The following OSBPL8 variants were observed in gnomAD, a reference collection of about 807,000 sequenced individuals.
OSBPL8 encodes oxysterol binding protein like 8.
In OSBPL8, 59 loss-of-function variants were observed where a neutral mutation model predicts 125.5. The ratio of observed to expected loss-of-function variants is 0.47; its 90% CI spans 0.38 to 0.58. The LOEUF is 0.58. Among genes scored for constraint, OSBPL8 ranks in the 20% least tolerant of loss-of-function variants. The pLI, the probability that OSBPL8 is intolerant of heterozygous loss-of-function variation, is 0.00. For synonymous variants in OSBPL8, 330 were observed against 338.9 expected (o/e 0.97, Z 0.29); for missense variants, 758 against 1,047.8 (o/e 0.72, Z 3.82).
chr12:76,496,489 G>A (rs959863208), intron 1 of OSBPL8, among the ~76,000 whole-genome samples: 10 of 151,482 alleles, frequency 6.6e-5, no homozygotes, highest in African/African-American at 2.4e-4. Context: ...TCTCACCCCA[G>A]CCTCCTGAAT....
intron 4 of OSBPL8, among the ~76,000 whole-genome samples, chr12:76,446,593 C>T (rs1872746255): frequency 6.6e-6 from 1 of 152,024 alleles, no homozygotes; most frequent in South Asian, 2.1e-4. Context: ...TCTAAATGAG[C>T]CTCTAAAAGA....
intron 1 of OSBPL8, among the ~76,000 whole-genome samples, chr12:76,494,632 C>A (rs781124231): frequency 1.3e-5 from 2 of 152,028 alleles, no homozygotes; most frequent in Non-Finnish European, 2.9e-5. Context: ...AGAAAAGATA[C>A]AAGATGACCT....
chr12:76,416,858 C>T (rs1038240866), intron 4 of OSBPL8, among the ~76,000 whole-genome samples: 2 of 151,916 alleles, frequency 1.3e-5, no homozygotes, highest in Non-Finnish European at 2.9e-5. Context: ...CTCTATTGTC[C>T]TCTACTATCT....
intron 4 of OSBPL8, among the ~76,000 whole-genome samples, chr12:76,414,452 T>G (rs1482217125): frequency 4.3e-5 from 2 of 46,062 alleles, no homozygotes; most frequent in African/African-American, 1.0e-4. Flanking sequence ...TTTTTCTGGT[T>G]TTTTTTTTTT....
At chr12:76,518,608 C>T (rs4125581) in intron 1 of OSBPL8, among the ~76,000 whole-genome samples, 26,475 of 152,280 alleles carry the variant, frequency 0.17, 2,458 homozygotes, top group Middle Eastern at 0.24. Context: ...GGCTCCACCC[C>T]TGAGGCAGGC....
At chr12:76,441,734 C>T (rs990244078) in intron 4 of OSBPL8, among the ~76,000 whole-genome samples, 5 of 151,318 alleles carry the variant, frequency 3.3e-5, no homozygotes, top group African/African-American at 1.2e-4. Flanking sequence ...AAAATCAAAA[C>T]GATTGAACCC....
intron 1 of OSBPL8, among the ~76,000 whole-genome samples, chr12:76,496,869 G>A (rs1879333131): frequency 6.6e-6 from 1 of 151,612 alleles, no homozygotes; most frequent in Non-Finnish European, 1.5e-5. Context: ...CTTGTGTAGA[G>A]ATGTGGTGTC....
At chr12:76,483,592 GA>G (rs1877784750) in intron 2 of OSBPL8, among the ~76,000 whole-genome samples, 1 of 137,502 alleles carries the variant, frequency 7.3e-6, no homozygotes, top group South Asian at 2.5e-4. Context: ...TTATGTTCAA[GA>G]AGGAAAGCAA....
At chr12:76,369,327 C>T in intron 20 of OSBPL8, 26 bp from the exon 21 acceptor site, 1 of 1,538,646 alleles carries the variant, frequency 6.5e-7, no homozygotes, top group Middle Eastern at 1.8e-4. Flanking sequence ...AAAAAAAAAC[C>T]ATTTGCTCAA....
chr12:76,380,358 T>C (rs947756457), intron 15 of OSBPL8, among the ~76,000 whole-genome samples: 2 of 152,094 alleles, frequency 1.3e-5, no homozygotes, highest in African/African-American at 4.8e-5. Context: ...TTATTAAATT[T>C]ATTTTTAAAT....
At chr12:76,554,523 A>C (rs1951038419) in intron 1 of OSBPL8, among the ~76,000 whole-genome samples, 1 of 152,170 alleles carries the variant, frequency 6.6e-6, no homozygotes, top group Non-Finnish European at 1.5e-5. Context: ...TGGCTCCACC[A>C]CTTATTTAAT....
chr12:76,369,113 C>T, intron 21 of OSBPL8, 101 bp downstream of exon 21: 6 of 1,441,926 alleles, frequency 4.2e-6, no homozygotes, highest in South Asian at 1.5e-5. Flanking sequence ...TTTTGCTCAC[C>T]CAAAATTTTA....
intron 4 of OSBPL8, among the ~76,000 whole-genome samples, chr12:76,417,636 T>G (rs1868862906): frequency 6.6e-6 from 1 of 152,212 alleles, no homozygotes; most frequent in Non-Finnish European, 1.5e-5. Flanking sequence ...AATGTACTAC[T>G]AGTATGTACA....
intron 1 of OSBPL8, among the ~76,000 whole-genome samples, chr12:76,548,346 T>C (rs1242110606): frequency 6.6e-6 from 1 of 152,134 alleles, no homozygotes; most frequent in Non-Finnish European, 1.5e-5. Context: ...AACCAATACG[T>C]CTGAGAAGAT....
At chr12:76,449,905 A>G (rs1211223732) in intron 4 of OSBPL8, among the ~76,000 whole-genome samples, 2 of 152,164 alleles carry the variant, frequency 1.3e-5, no homozygotes, top group Non-Finnish European at 2.9e-5. Context: ...CATAAAGAAA[A>G]TTACTACTAG....
In OSBPL8 at chr12:76,451,811, T is replaced by C. The variant is rs1252578232; in HGVS notation, c.80-823A>G. On this transcript the variant is annotated intron_variant, in intron 3 of 23. Coordinates refer to ENST00000261183, the MANE Select transcript of OSBPL8 (RefSeq NM_020841.5). ...GATCTCCACATTCTTTCATTTTATA[T>C]TCCTGTGCTTTCAGCCTATAAAAAC... Among the ~76,000 whole-genome samples, 3 of 152,150 alleles carry C rather than the reference T, an allele frequency of 2.0e-5. No homozygotes were observed. In the East Asian group the frequency reaches 5.8e-4, roughly 29 times the overall value.
intron 4 of OSBPL8, among the ~76,000 whole-genome samples, chr12:76,440,122 C>G (rs1271353815): frequency 6.6e-6 from 1 of 152,106 alleles, no homozygotes; most frequent in South Asian, 2.1e-4. Context: ...CTTAATCAGA[C>G]AGTTGTTGTC....
rs796127975 is a variant in OSBPL8 at position 76,381,730 on chromosome 12, C to CT, written c.1630+2523dup. ...TTAACTTTTACTTTCCATTTACTTT[C>CT]TTTTTTTTTTTTTCCTTTCTTGAGA... On this transcript the variant is annotated intron_variant, in intron 15 of 23. Transcript: ENST00000261183. 9.6e-3 allele frequency among the ~76,000 whole-genome samples: 1,381 copies of CT among 144,238 alleles called. 23 individuals are homozygous for CT. Among genetic ancestry groups the CT allele is most frequent in the African/African-American group, 0.031 (1,246 of 39,624 alleles). The allele number at this position is 144,238 out of a possible 152,430, so 94.6% of individuals were successfully genotyped here. A position where few individuals can be genotyped will look rare whatever the true frequency, so the allele number is the denominator to read the frequency against.
chr12:76,501,391 AGG>A (rs1315649340), intron 1 of OSBPL8, among the ~76,000 whole-genome samples: 1 of 152,182 alleles, frequency 6.6e-6, no homozygotes. Flanking sequence ...TAGAAGGGAG[AGG>A]GGAGAGAAGA....
Sources: gnomAD v4.1 joint callset for allele counts (sites outside exome capture counted in the v4.1 genomes callset) on GRCh38, gnomAD v4.1.1 for gene constraint, MANE v1.5 for transcripts, NCBI Gene and HGNC (gene_info 2026-07-23, HGNC 2026-07-21) for gene names.